Variants in PSMD9 observed in about 807,000 individuals in gnomAD.
The protein encoded by PSMD9 is proteasome 26S subunit, non-ATPase 9.
A neutral mutation model predicts 25.9 loss-of-function variants in PSMD9; 26 were observed. That is an observed-to-expected ratio of 1.00 (90% confidence interval 0.73 to 1.39). PSMD9 has a LOEUF of 1.39. PSMD9 is among the 40% of genes most tolerant of loss of function. The pLI, the probability that PSMD9 is intolerant of heterozygous loss-of-function variation, is 0.00. For missense variants in PSMD9, 303 were observed against 299.3 expected, an observed-to-expected ratio of 1.01 and a Z score of -0.09; for synonymous variants, 110 against 114.5, an observed-to-expected ratio of 0.96 and a Z score of 0.25.
At chr12:121,889,052 A>G in intron 1 of PSMD9, 58 bp downstream of exon 1, 1 of 1,532,476 alleles carries the variant, frequency 6.5e-7, no homozygotes, top group Non-Finnish European at 8.8e-7. Flanking sequence ...TCCCTGGGGT[A>G]CTGGGATGCC....
intron 2 of PSMD9, chr12:121,899,207 C>T (rs1247936222): frequency 2.3e-5 from 4 of 173,248 alleles, no homozygotes; most frequent in Admixed American, 1.1e-4. Context: ...ATCTTGATTA[C>T]ACCCAGCCTG....
In PSMD9 at chr12:121,910,223, C is replaced by CT. The variant is rs1415110525; in HGVS notation, c.556-5632dup. 3.3e-5 allele frequency among the ~76,000 whole-genome samples: 5 copies of CT among 150,190 alleles called. No individual in the cohort carries two copies. The Admixed American group carries it at 3.3e-4, about 10-fold the overall frequency. On this transcript the variant is annotated intron_variant, in intron 4 of 5. Transcript: ENST00000541212. ...GCCTCAGCCTCCCAAGTAGCTGGGA[C>CT]TACAGGTGCCTGCCACCATGCCCAG...
chr12:121,894,713 C>A (rs767614308), intron 1 of PSMD9, 26 bp from the exon 2 acceptor site: 1 of 1,607,076 alleles, frequency 6.2e-7, no homozygotes, highest in Admixed American at 1.7e-5. Flanking sequence ...CCATGAGCAC[C>A]TTTTAACCAC....
At chr12:121,895,079 C>G (rs1879194132) in intron 2 of PSMD9, among the ~76,000 whole-genome samples, 1 of 151,656 alleles carries the variant, frequency 6.6e-6, no homozygotes. Context: ...GGGTCTTGCT[C>G]TGTCTTCCAG....
intron 4 of PSMD9, among the ~76,000 whole-genome samples, chr12:121,906,820 A>G (rs1337426758): frequency 6.6e-6 from 1 of 150,428 alleles, no homozygotes; most frequent in Non-Finnish European, 1.5e-5. Context: ...CCATCTCAAA[A>G]AAAAAAAAAT....
At chr12:121,905,888 C>G (rs1879540838) in intron 4 of PSMD9, among the ~76,000 whole-genome samples, 1 of 151,882 alleles carries the variant, frequency 6.6e-6, no homozygotes, top group African/African-American at 2.4e-5. Context: ...CGATGAAGGT[C>G]AAGAGCATTC....
chr12:121,911,659 C>CTTT lies in PSMD9; in HGVS notation c.556-4184_556-4182dup, dbSNP rs60603408. Among the ~76,000 whole-genome samples, 111 of 141,714 alleles carry CTTT rather than the reference C, an allele frequency of 7.8e-4. 1 individual carries two copies. The highest frequency in any genetic ancestry group is 3.6e-3 in the Middle Eastern group (1 of 276). 93.0% of individuals were successfully genotyped at this position (141,714 alleles called of 152,430 possible). ...ATTTTTTTTAACTTCAATATATGAA[C>CTTT]TTTTTTTTTTTTTTTGAGATGGAGT... On this transcript the variant is annotated intron_variant, in intron 4 of 5. Transcript: ENST00000541212.
At chr12:121,889,858 G>GCAATTAAT (rs972679643) in intron 1 of PSMD9, among the ~76,000 whole-genome samples, 27 of 152,266 alleles carry the variant, frequency 1.8e-4, no homozygotes, top group African/African-American at 6.5e-4. Flanking sequence ...AGAGGAAGAT[G>GCAATTAAT]CAATTAATTA....
intron 4 of PSMD9, among the ~76,000 whole-genome samples, chr12:121,912,210 T>G (rs927915530): frequency 1.3e-5 from 2 of 151,812 alleles, no homozygotes; most frequent in African/African-American, 4.8e-5. Flanking sequence ...CAGCTAATTT[T>G]TGCATTTTGT....
chr12:121,889,982 A>G (rs1403539160), intron 1 of PSMD9, among the ~76,000 whole-genome samples: 2 of 152,080 alleles, frequency 1.3e-5, no homozygotes, highest in East Asian at 1.9e-4. Context: ...CAGTGGCTCA[A>G]TCTCGGCTCA....
chr12:121,899,915 T>C (rs1481121624), intron 3 of PSMD9, 70 bp downstream of exon 3: 1 of 1,547,334 alleles, frequency 6.5e-7, no homozygotes, highest in East Asian at 2.3e-5. Flanking sequence ...TTCGGGGATG[T>C]GGAAAGACAG....
At chr12:121,911,061 A>G (rs1359316485) in intron 4 of PSMD9, 1 of 424,764 alleles carries the variant, frequency 2.4e-6, no homozygotes, top group African/African-American at 2.0e-5. Flanking sequence ...TGTTTTTGAG[A>G]TGGTGTCTCG....
chr12:121,909,067 T>C (rs780248335), intron 4 of PSMD9, among the ~76,000 whole-genome samples: 1 of 151,860 alleles, frequency 6.6e-6, no homozygotes, highest in Non-Finnish European at 1.5e-5. Context: ...AGAGAACAGA[T>C]TGGAGGGTGA....
rs1879338295 is a variant in PSMD9 at position 121,899,830 on chromosome 12, C to A, written c.438C>A (p.Ser146=). ...FAKVNSISPG[S]PASIAGLQVD... is the part of the protein sequence containing the mutation. ...AAGTGAACAGCATCAGCCCCGGCTCCCCAGCCAGCATCGCGGTAATCCAGG... is the reference window on the plus strand; with the variant it reads ...AAGTGAACAGCATCAGCCCCGGCTCACCAGCCAGCATCGCGGTAATCCAGG... Residue 146 remains serine, a synonymous_variant, in exon 3 of 6, where the codon TCC becomes TCA. Transcript: ENST00000541212. 6.2e-7 allele frequency: 1 copy of A among 1,613,886 alleles called. No homozygotes were observed. Among genetic ancestry groups the A allele is most frequent in the Non-Finnish European group, 8.5e-7 (1 of 1,179,902 alleles).
At chr12:121,893,496 A>G (rs1879146828) in intron 1 of PSMD9, among the ~76,000 whole-genome samples, 1 of 152,216 alleles carries the variant, frequency 6.6e-6, no homozygotes, top group Non-Finnish European at 1.5e-5. Flanking sequence ...GGTGACTTAA[A>G]ACAGGAATTT....
At chr12:121,910,919 C>T (rs1281222232) in intron 4 of PSMD9, 2 of 456,146 alleles carry the variant, frequency 4.4e-6, no homozygotes, top group Non-Finnish European at 4.4e-6. Context: ...TAAACACTAA[C>T]TCTCCATTCC....
chr12:121,895,683 A>G (rs1228427419), intron 2 of PSMD9, among the ~76,000 whole-genome samples: 2 of 152,110 alleles, frequency 1.3e-5, no homozygotes, highest in Non-Finnish European at 2.9e-5. Context: ...CTGTCATAAC[A>G]TCTCTTTCTC....
In PSMD9 at chr12:121,916,594, G is replaced by A. The variant is rs973367549; in HGVS notation, c.*283G>A. ...GCGGAAGTTATTCTGGCAGGTACTG[G>A]TGTGATTATTATTATTATTTTTAAT... On this transcript the variant is annotated 3_prime_UTR_variant, in exon 6 of 6. Transcript: ENST00000541212. 17 of 461,106 alleles carry A rather than the reference G, an allele frequency of 3.7e-5. No individual in the cohort carries two copies. Among genetic ancestry groups the A allele is most frequent in the African/African-American group, 3.1e-4 (16 of 51,744 alleles). 28.6% of individuals were successfully genotyped at this position (461,106 alleles called of 1,614,324 possible).
chr12:121,903,175 C>A, intron 4 of PSMD9, 68 bp downstream of exon 4: 1 of 1,346,734 alleles, frequency 7.4e-7, no homozygotes, highest in Non-Finnish European at 1.1e-6. Flanking sequence ...GACTGCGTGG[C>A]TTACAAACAA....
Sources: allele counts gnomAD v4.1 joint callset (sites outside exome capture counted in the v4.1 genomes callset), GRCh38; gene constraint gnomAD v4.1.1; transcripts MANE v1.5; gene names NCBI Gene and HGNC (gene_info 2026-07-23, HGNC 2026-07-21).